The following DCDC2 variants were observed in gnomAD, a reference collection of about 807,000 sequenced individuals.
The protein encoded by DCDC2 is doublecortin domain containing 2.
A neutral mutation model predicts 50.2 loss-of-function variants in DCDC2; 40 were observed. The ratio of observed to expected loss-of-function variants is 0.80; its 90% confidence interval spans 0.62 to 1.04. The LOEUF (loss-of-function observed/expected upper bound fraction) is 1.04, where lower values mean the gene tolerates loss of function less well. DCDC2 is among the 50% of genes least tolerant of loss of function. The pLI is 0.00. For missense variants in DCDC2, 570 were observed against 581.9 expected (o/e 0.98, Z 0.21); for synonymous variants, 234 against 210.6 (o/e 1.11, Z -0.96).
At chr6:24,182,828 G>A (rs1561880877) in intron 8 of DCDC2, among the ~76,000 whole-genome samples, 1 of 151,952 alleles carries the variant, frequency 6.6e-6, no homozygotes, top group Non-Finnish European at 1.5e-5. Flanking sequence ...CTGAAAGCAA[G>A]GACTTGAAGA....
chr6:24,320,965 A>T (rs529547499), intron 2 of DCDC2, among the ~76,000 whole-genome samples: 129 of 151,816 alleles, frequency 8.5e-4, no homozygotes, highest in African/African-American at 2.9e-3. Flanking sequence ...AATTAAAAAA[A>T]AAAAAAAAAC....
At chr6:24,346,840 T>C (rs1760266730) in intron 2 of DCDC2, among the ~76,000 whole-genome samples, 1 of 151,804 alleles carries the variant, frequency 6.6e-6, no homozygotes, top group Non-Finnish European at 1.5e-5. Context: ...CATCTCTGGG[T>C]TGATGAGGTC....
intron 2 of DCDC2, among the ~76,000 whole-genome samples, chr6:24,347,639 G>A (rs140488986): frequency 1.8e-4 from 27 of 152,232 alleles, no homozygotes; most frequent in African/African-American, 5.1e-4. Flanking sequence ...AGACTTGAGC[G>A]TCCTTGGATT....
rs554973120 is a variant in DCDC2, at chr6:24,183,681, T to A, written c.1024-5049A>T. On this transcript the variant is annotated intron_variant, in intron 8 of 9. Coordinates refer to ENST00000378454, the MANE Select transcript of DCDC2 (RefSeq NM_016356.5). ...GGACTCTCACGCCTTATGACTTCAG[T>A]GATTGGGCCAAGGGCACCCATCTGT... Among the ~76,000 whole-genome samples the A allele has an allele frequency of 3.3e-5, 5 of 152,258 alleles. No homozygotes were observed. The South Asian group carries it at 1.0e-3, about 32-fold the overall frequency.
At chr6:24,175,930 T>C (rs1045458613) in intron 9 of DCDC2, among the ~76,000 whole-genome samples, 1 of 152,170 alleles carries the variant, frequency 6.6e-6, no homozygotes, top group Non-Finnish European at 1.5e-5. Context: ...AGATAAAATA[T>C]ATCATTGTTA....
At chr6:24,191,163 A>G (rs566165812) in intron 8 of DCDC2, among the ~76,000 whole-genome samples, 1 of 152,282 alleles carries the variant, frequency 6.6e-6, no homozygotes, top group East Asian at 1.9e-4. Context: ...CGATTTGGGG[A>G]ACCTGTCACA....
chr6:24,199,648 G>C lies in DCDC2; in HGVS notation c.1023+5354C>G, dbSNP rs994190094. Among the ~76,000 whole-genome samples the C allele has an allele frequency of 2.6e-5, 4 of 152,294 alleles. No homozygotes were observed. In the South Asian group the frequency reaches 8.3e-4, roughly 32 times the overall value. ...TCCTCACCAGCAAGGGAACAAAACT[G>C]GATGGAGAATGAGTTTGATGAATTG... On this transcript the variant is annotated intron_variant, in intron 8 of 9. Coordinates refer to ENST00000378454, the MANE Select transcript of DCDC2 (RefSeq NM_016356.5).
chr6:24,372,181 G>A, the DCDC2 span, among the ~76,000 whole-genome samples: 63 of 152,254 alleles, frequency 4.1e-4, no homozygotes, highest in African/African-American at 1.5e-3. Context: ...CAGCACTTTG[G>A]GAGGCCGAGG....
At chr6:24,225,426 AAT>A (rs1031689659) in intron 7 of DCDC2, among the ~76,000 whole-genome samples, 2 of 151,320 alleles carry the variant, frequency 1.3e-5, no homozygotes, top group Non-Finnish European at 2.9e-5. Flanking sequence ...CACACACACA[AAT>A]ATGTGTGCAT....
intron 8 of DCDC2, among the ~76,000 whole-genome samples, chr6:24,190,563 T>C (rs1428537521): frequency 1.3e-5 from 2 of 152,180 alleles, no homozygotes; most frequent in Admixed American, 6.5e-5. Context: ...AAGTTCCCCA[T>C]TAAATTTTCT....
chr6:24,344,544 A>T (rs1760221597), intron 2 of DCDC2, among the ~76,000 whole-genome samples: 1 of 152,242 alleles, frequency 6.6e-6, no homozygotes, highest in Non-Finnish European at 1.5e-5. Flanking sequence ...TATTTGGAAC[A>T]AATGCCATGA....
At chr6:24,346,094 G>T (rs886459248) in intron 2 of DCDC2, among the ~76,000 whole-genome samples, 2 of 150,344 alleles carry the variant, frequency 1.3e-5, no homozygotes, top group Admixed American at 1.3e-4. Context: ...CATAAGAACT[G>T]CTTGAACTTG....
At chr6:24,350,767 A>T (rs1204842901) in intron 2 of DCDC2, among the ~76,000 whole-genome samples, 3 of 152,186 alleles carry the variant, frequency 2.0e-5, no homozygotes, top group African/African-American at 7.2e-5. Flanking sequence ...ATATATCATC[A>T]TACTCCAAAG....
chr6:24,272,018 G>T (rs1022719637), intron 7 of DCDC2, among the ~76,000 whole-genome samples: 1 of 152,124 alleles, frequency 6.6e-6, no homozygotes, highest in African/African-American at 2.4e-5. Flanking sequence ...AGCTATGAAA[G>T]AATGCTTCCC....
At chr6:24,236,793 T>C in intron 7 of DCDC2, among the ~76,000 whole-genome samples, 1 of 152,114 alleles carries the variant, frequency 6.6e-6, no homozygotes, top group East Asian at 1.9e-4. Context: ...GTGGATCACC[T>C]GAGGTCAGGA....
At chr6:24,274,639 A>G (rs1210281138) in intron 7 of DCDC2, among the ~76,000 whole-genome samples, 1 of 151,304 alleles carries the variant, frequency 6.6e-6, no homozygotes, top group Non-Finnish European at 1.5e-5. Flanking sequence ...AGAAGAAAAG[A>G]AAAGAAAAAA....
the DCDC2 span, among the ~76,000 whole-genome samples, chr6:24,368,688 A>AG: frequency 5.0e-3 from 1 of 202 alleles, no homozygotes; most frequent in Non-Finnish European, 0.12. Context: ...GCTCAGACAG[A>AG]AAAAAAAAAA....
At chr6:24,239,188 G>T (rs1762513763) in intron 7 of DCDC2, among the ~76,000 whole-genome samples, 1 of 152,170 alleles carries the variant, frequency 6.6e-6, no homozygotes, top group South Asian at 2.1e-4. Flanking sequence ...CATTATCAGA[G>T]TATGTGTAAT....
At chr6:24,213,178 A>G (rs1009145778) in intron 7 of DCDC2, among the ~76,000 whole-genome samples, 3 of 152,188 alleles carry the variant, frequency 2.0e-5, no homozygotes, top group Admixed American at 2.0e-4. Flanking sequence ...TAATATATTT[A>G]GTGTTTGAAA....
Sources: gnomAD v4.1 joint callset for allele counts (sites outside exome capture counted in the v4.1 genomes callset) on GRCh38, gnomAD v4.1.1 for gene constraint, MANE v1.5 for transcripts, NCBI Gene and HGNC (gene_info 2026-07-23, HGNC 2026-07-21) for gene names.